The following ZKSCAN2 variants were observed in gnomAD, a reference collection of about 807,000 sequenced individuals.
ZKSCAN2 encodes the protein zinc finger protein with KRAB and SCAN domains 2.
Under a neutral mutation model 90.5 loss-of-function variants are expected in ZKSCAN2, and 38 were observed. The ratio of observed to expected loss-of-function variants is 0.42; its 90% CI spans 0.32 to 0.55. The LOEUF (loss-of-function observed/expected upper bound fraction) is 0.55. Ranked by LOEUF, ZKSCAN2 falls within the 20% of genes least tolerant of loss-of-function variation. The probability of loss-of-function intolerance (pLI) is 0.11; values close to 1 mark genes in which losing one functional copy is unlikely to be tolerated. For synonymous variants in ZKSCAN2, 429 were observed against 421.6 expected (o/e 1.02, Z -0.22); for missense variants, 1,167 against 1,202.6 (o/e 0.97, Z 0.44).
chr16:25,241,773 C>T (rs149121502), intron 6 of ZKSCAN2, among the ~76,000 whole-genome samples: 2 of 152,310 alleles, frequency 1.3e-5, no homozygotes, highest in African/African-American at 4.8e-5. Flanking sequence ...TCAGTAGAAA[C>T]CACAGATAAC....
intron 5 of ZKSCAN2, among the ~76,000 whole-genome samples, chr16:25,244,888 G>C (rs538541923): frequency 7.6e-4 from 115 of 152,144 alleles, no homozygotes; most frequent in African/African-American, 2.7e-3. Flanking sequence ...AACTTTTCAG[G>C]GCATATCTAA....
At position 25,245,761 on chromosome 16, in the gene ZKSCAN2, C is replaced by T. The variant is rs1962923900; in HGVS notation, c.1489+946G>A. On this transcript the variant is annotated intron_variant, in intron 5 of 6. Transcript: ENST00000328086. ...CTCCAGCCTGGGTGACAGAGTGAGA[C>T]ACCGTCTCGGAAAAAAAAAAAAAAA... Among the ~76,000 whole-genome samples the T allele has an allele frequency of 2.7e-5, 4 of 146,178 alleles. No homozygotes were observed. In the South Asian group the frequency reaches 8.7e-4, roughly 32 times the overall value.
chr16:25,253,553 G>T (rs777323043), intron 2 of ZKSCAN2, among the ~76,000 whole-genome samples: 3 of 152,010 alleles, frequency 2.0e-5, no homozygotes, highest in Non-Finnish European at 4.4e-5. Flanking sequence ...ACTGAATCTT[G>T]CCTCTCAGTG....
chr16:25,256,662 T>A (rs769945806), intron 1 of ZKSCAN2, 67 bp downstream of exon 1: 263 of 1,524,354 alleles, frequency 1.7e-4, no homozygotes, highest in Non-Finnish European at 2.3e-4. Flanking sequence ...CTGCAATACA[T>A]CCCTGCCCAC....
chr16:25,250,066 T>C (rs1026751564), intron 4 of ZKSCAN2, among the ~76,000 whole-genome samples: 4 of 152,138 alleles, frequency 2.6e-5, no homozygotes, highest in Non-Finnish European at 5.9e-5. Flanking sequence ...ATCCCAGCAC[T>C]TTGGGAGGCC....
rs1309176423 is a variant in ZKSCAN2, at chr16:25,257,613, C to G, written c.-486G>C. 26 of 677,602 alleles carry G rather than the reference C, an allele frequency of 3.8e-5. No homozygotes were observed. Among genetic ancestry groups the G allele is most frequent in the Non-Finnish European group, 4.7e-5 (26 of 548,730 alleles). The allele number at this position is 677,602 out of a possible 1,614,324, so 42.0% of individuals were successfully genotyped here. ...TCGGGTCACCGCAGCACGTCCAGGC[C>G]GCCGCGGGTGCCGCTGGGGCCGCCG... On this transcript the variant is annotated 5_prime_UTR_variant, in exon 1 of 7. Transcript: ENST00000328086.
rs551448101 is a variant in ZKSCAN2, at chr16:25,246,822, G to C, written c.1374C>G (p.Ile458Met). 2 of 1,614,194 alleles carry C rather than the reference G, an allele frequency of 1.2e-6. No individual in the cohort carries two copies. Among genetic ancestry groups the C allele is most frequent in the South Asian group, 1.1e-5 (1 of 91,086 alleles). The change falls in exon 5 of 7, where the codon ATC becomes ATG. Residue 458 changes from isoleucine to methionine, a missense_variant. Physicochemically the swap from Ile to Met is conservative, Grantham distance 10. Transcript: ENST00000328086. ...KRIAISAKEH[I>M]SLVEEEEAAE... The stretch of plus-strand genomic sequence containing the variant: ...CAGCTTCCTCCTCCTCCACCAAGCT[G>C]ATGTGTTCCTTAGCACTGATGGCAA...
At position 25,238,030 on chromosome 16, in the gene ZKSCAN2, T is replaced by G. The variant is rs985977789; in HGVS notation, c.*1786A>C. 6.6e-6 allele frequency: 1 copy of G among 152,198 alleles called. No individual in the cohort carries two copies. Among genetic ancestry groups the G allele is most frequent in the Non-Finnish European group, 1.5e-5 (1 of 68,038 alleles). The allele number at this position is 152,198 out of a possible 1,614,324, so 9.4% of individuals were successfully genotyped here. A position where few individuals can be genotyped will look rare whatever the true frequency, so the allele number is the denominator to read the frequency against. ...TCATAATATTTCCAACAAATGTAAA[T>G]CAGAAACATTTATCAATGTCTACCT... On this transcript the variant is annotated 3_prime_UTR_variant, in exon 7 of 7. Coordinates refer to ENST00000328086, the MANE Select transcript of ZKSCAN2 (RefSeq NM_001012981.5).
rs377468868 is a variant in ZKSCAN2 at position 25,240,096 on chromosome 16, C to G, written c.2624G>C (p.Ser875Thr). ...CCCAGTGTGAACTCTCCGGTGGGCG[C>G]TGAAATGAGAACTGTTGGTGAAACT... Reference protein sequence around the residue: ...GKSFTNSSHFSAHRRVHTGEN... With the variant: ...GKSFTNSSHFTAHRRVHTGEN... The change falls in exon 7 of 7, where the codon AGC becomes ACC. Residue 875 changes from serine (S) to threonine (T), a missense_variant. Transcript: ENST00000328086. 1 of 1,613,628 alleles carries G rather than the reference C, an allele frequency of 6.2e-7. No individual in the cohort carries two copies. The highest frequency in any genetic ancestry group is 1.3e-5 in the African/African-American group (1 of 74,852).
intron 6 of ZKSCAN2, among the ~76,000 whole-genome samples, chr16:25,241,818 T>C (rs1023710149): frequency 3.3e-5 from 5 of 152,160 alleles, no homozygotes; most frequent in African/African-American, 1.2e-4. Context: ...TGGCATGGGA[T>C]GGGGAGAGGA....
At position 25,239,917 on chromosome 16, in the gene ZKSCAN2, C is replaced by T. The variant is rs1962822839; in HGVS notation, c.2803G>A (p.Glu935Lys). ...AGAGGCTTTTCTCTCACATGAACTT[C>T]CCGATGTTTGGTAAGAACAGAACTC... Reference protein sequence around the residue: ...SKSSVLTKHREVHVREKPLPH... With the variant: ...SKSSVLTKHRKVHVREKPLPH... Residue 935 changes from glutamate to lysine, a missense_variant, in exon 7 of 7, where the codon GAA becomes AAA. Transcript: ENST00000328086. The T allele has an allele frequency of 6.2e-7, 1 of 1,614,192 alleles. No homozygotes were observed. The highest frequency in any genetic ancestry group is 2.2e-5 in the East Asian group (1 of 44,886).
intron 4 of ZKSCAN2, among the ~76,000 whole-genome samples, chr16:25,248,708 T>C (rs1329989471): frequency 1.3e-5 from 2 of 152,158 alleles, no homozygotes; most frequent in Admixed American, 6.5e-5. Flanking sequence ...GAGCTGTGAA[T>C]TGGGAAGAGT....
chr16:25,239,315 A>G lies in ZKSCAN2; in HGVS notation c.*501T>C, dbSNP rs1213744516. Reference sequence around the variant, plus strand: ...ACAGACTTCTGAGGAAAGCTATAAAATCTTCACTCTTCTTTTGTGGATCTC... The same window carrying G: ...ACAGACTTCTGAGGAAAGCTATAAAGTCTTCACTCTTCTTTTGTGGATCTC... On this transcript the variant is annotated 3_prime_UTR_variant, in exon 7 of 7. Transcript: ENST00000328086. The G allele has an allele frequency of 1.3e-5, 2 of 152,692 alleles. No homozygotes were observed. Among genetic ancestry groups the G allele is most frequent in the African/African-American group, 4.8e-5 (2 of 41,424 alleles). 9.5% of individuals were successfully genotyped at this position (152,692 alleles called of 1,614,324 possible). A position where few individuals can be genotyped will look rare whatever the true frequency, so the allele number is the denominator to read the frequency against.
In ZKSCAN2 at chr16:25,247,402, T is replaced by A; in HGVS notation, c.806-12A>T. 1 of 1,589,238 alleles carries A rather than the reference T, an allele frequency of 6.3e-7. No homozygotes were observed. The highest frequency in any genetic ancestry group is 8.5e-7 in the Non-Finnish European group (1 of 1,170,958). On this transcript the variant is annotated splice_polypyrimidine_tract_variant and intron_variant, in intron 4 of 6. Transcript: ENST00000328086. The stretch of plus-strand genomic sequence containing the variant: ...AGACACTGCACTTCCTACAGTAAAA[T>A]AAACATATTTCATGGTAGACATAGA...
At position 25,257,414 on chromosome 16, in the gene ZKSCAN2, C is replaced by T. The variant is rs1450931357; in HGVS notation, c.-287G>A. 5.3e-6 allele frequency: 6 copies of T among 1,130,692 alleles called. No homozygotes were observed. The South Asian group carries it at 1.3e-4, about 24-fold the overall frequency. The allele number at this position is 1,130,692 out of a possible 1,614,324, so 70.0% of individuals were successfully genotyped here. ...TCCCTCTTAGTGCAAAGTCGGAAAC[C>T]GGGAGGCTGGACGACTGGGAGAAAA... is the stretch of plus-strand genomic sequence containing the variant. On this transcript the variant is annotated 5_prime_UTR_variant, in exon 1 of 7. Coordinates refer to ENST00000328086, the MANE Select transcript of ZKSCAN2 (RefSeq NM_001012981.5).
intron 2 of ZKSCAN2, among the ~76,000 whole-genome samples, chr16:25,254,772 T>C (rs1395939957): frequency 6.6e-6 from 1 of 151,394 alleles, no homozygotes; most frequent in Non-Finnish European, 1.5e-5. Flanking sequence ...GCCCAGGCAA[T>C]CTAAGTTTCC....
chr16:25,253,393 TC>T (rs1274006410), intron 2 of ZKSCAN2, among the ~76,000 whole-genome samples: 1 of 151,778 alleles, frequency 6.6e-6, no homozygotes, highest in African/African-American at 2.4e-5. Context: ...CTACCCCCTT[TC>T]CCTTCCCCAG....
rs1962816521 is a variant in ZKSCAN2, at chr16:25,239,629, C to G, written c.*187G>C. 1 of 542,932 alleles carries G rather than the reference C, an allele frequency of 1.8e-6. No individual in the cohort carries two copies. The highest frequency in any genetic ancestry group is 3.3e-5 in the Admixed American group (1 of 30,398). The allele number at this position is 542,932 out of a possible 1,614,324, so 33.6% of individuals were successfully genotyped here. ...CACATTCTTAAAGGAGAAGCTGAGA[C>G]ACACAGAAGAGGAGGAACAGACTGA... On this transcript the variant is annotated 3_prime_UTR_variant, in exon 7 of 7. Transcript: ENST00000328086.
At position 25,239,798 on chromosome 16, in the gene ZKSCAN2, A is replaced by G; in HGVS notation, c.*18T>C. The G allele has an allele frequency of 6.4e-7, 1 of 1,553,068 alleles. No homozygotes were observed. The highest frequency in any genetic ancestry group is 2.3e-5 in the East Asian group (1 of 44,422). ...GGGTAAAATGGCTAAGGGGGCATTT[A>G]GGAAGAGAAGATCATCATCAAAAAG... On this transcript the variant is annotated 3_prime_UTR_variant, in exon 7 of 7. Coordinates refer to ENST00000328086, the MANE Select transcript of ZKSCAN2 (RefSeq NM_001012981.5).
Sources: gnomAD v4.1 joint callset for allele counts (sites outside exome capture counted in the v4.1 genomes callset) on GRCh38, gnomAD v4.1.1 for gene constraint, MANE v1.5 for transcripts, NCBI Gene and HGNC (gene_info 2026-07-23, HGNC 2026-07-21) for gene names.